The following PDE4D variants were observed in gnomAD, a reference collection of about 807,000 sequenced individuals.
The protein encoded by PDE4D is 3',5'-cyclic-AMP phosphodiesterase 4D.
Under a neutral mutation model 87.4 loss-of-function variants are expected in PDE4D, and 24 were observed. The ratio of observed to expected loss-of-function variants is 0.27; its 90% CI spans 0.20 to 0.39. The LOEUF (loss-of-function observed/expected upper bound fraction) is 0.39, where lower values mean the gene tolerates loss of function less well. Among genes scored for constraint, PDE4D ranks in the 10% least tolerant of loss-of-function variants. PDE4D has a pLI of 1.00. For missense variants in PDE4D, 714 were observed against 1,041.0 expected (o/e 0.69, Z 4.32); for synonymous variants, 384 against 383.2 (o/e 1.00, Z -0.02).
chr5:59,810,757 T>G (rs1359685057), intron 1 of PDE4D, among the ~76,000 whole-genome samples: 1 of 152,244 alleles, frequency 6.6e-6, no homozygotes, highest in African/African-American at 2.4e-5. Context: ...CCGGCTTATT[T>G]AAAGAATAAA....
intron 12 of PDE4D, among the ~76,000 whole-genome samples, 169 bp downstream of exon 12, chr5:58,977,022 C>CTT (rs1205115174): frequency 6.6e-6 from 1 of 152,112 alleles, no homozygotes; most frequent in East Asian, 1.9e-4. Context: ...AAGTGAAAAA[C>CTT]CTATTACAGA....
intron 1 of PDE4D, among the ~76,000 whole-genome samples, chr5:60,508,957 T>G (rs911665305): frequency 1.3e-5 from 2 of 152,056 alleles, no homozygotes; most frequent in Non-Finnish European, 2.9e-5. Context: ...TGGAGTGCAG[T>G]GGCATGATCT....
chr5:59,356,697 T>C, intron 1 of PDE4D: 1 of 1,387,976 alleles, frequency 7.2e-7, no homozygotes, highest in Non-Finnish European at 9.7e-7. Flanking sequence ...AAAGGCTTAT[T>C]TGCAAGGGGC....
chr5:59,701,337 C>G (rs563577537), intron 1 of PDE4D, among the ~76,000 whole-genome samples: 1 of 152,120 alleles, frequency 6.6e-6, no homozygotes, highest in Non-Finnish European at 1.5e-5. Flanking sequence ...TGATAATCTA[C>G]GTAAATATTT....
At chr5:59,852,316 T>C (rs769041164) in intron 1 of PDE4D, among the ~76,000 whole-genome samples, 1 of 152,050 alleles carries the variant, frequency 6.6e-6, no homozygotes, top group Non-Finnish European at 1.5e-5. Flanking sequence ...AAAGGATACG[T>C]TGGGAATGAC....
chr5:60,513,526 A>G (rs1281137735), intron 1 of PDE4D, among the ~76,000 whole-genome samples: 3 of 152,166 alleles, frequency 2.0e-5, no homozygotes, highest in Non-Finnish European at 4.4e-5. Flanking sequence ...AATAAGTGGG[A>G]AAATAGTCAC....
At chr5:59,172,412 A>G (rs1271658654) in intron 5 of PDE4D, among the ~76,000 whole-genome samples, 1 of 144,150 alleles carries the variant, frequency 6.9e-6, no homozygotes, top group East Asian at 2.0e-4. Context: ...AAGAGGTTTC[A>G]GTCCAGGCTC....
chr5:59,577,823 T>C (rs1443814378), intron 1 of PDE4D, among the ~76,000 whole-genome samples: 1 of 152,170 alleles, frequency 6.6e-6, no homozygotes, highest in Non-Finnish European at 1.5e-5. Flanking sequence ...TAGAAAATTA[T>C]AAGGCTATTT....
intron 1 of PDE4D, among the ~76,000 whole-genome samples, chr5:59,673,121 T>C (rs533877688): frequency 9.8e-5 from 15 of 152,354 alleles, no homozygotes; most frequent in African/African-American, 3.6e-4. Flanking sequence ...GAAGTTTAAA[T>C]GGACACTCTA....
chr5:59,758,763 T>A (rs868094924), intron 1 of PDE4D, among the ~76,000 whole-genome samples: 3 of 152,320 alleles, frequency 2.0e-5, no homozygotes, highest in African/African-American at 4.8e-5. Context: ...TTCCTGTTTT[T>A]ACCCATGTAG....
intron 3 of PDE4D, among the ~76,000 whole-genome samples, chr5:59,936,576 G>A (rs762971202): frequency 2.2e-4 from 34 of 152,298 alleles, no homozygotes; most frequent in Admixed American, 7.8e-4. Context: ...TTCACATTGT[G>A]AGATAATAAC....
chr5:59,366,256 T>G (rs977845720), intron 1 of PDE4D, among the ~76,000 whole-genome samples: 1 of 152,040 alleles, frequency 6.6e-6, no homozygotes, highest in Non-Finnish European at 1.5e-5. Context: ...TAAGTCTCTA[T>G]GTTTTCTTCT....
intron 1 of PDE4D, among the ~76,000 whole-genome samples, chr5:59,640,762 C>T (rs1741440439): frequency 6.6e-6 from 1 of 152,174 alleles, no homozygotes; most frequent in Non-Finnish European, 1.5e-5. Context: ...CTTTTTGGAA[C>T]CTCATTCAAT....
intron 1 of PDE4D, among the ~76,000 whole-genome samples, chr5:60,486,460 G>A (rs904448840): frequency 4.6e-5 from 7 of 152,150 alleles, no homozygotes; most frequent in Admixed American, 4.6e-4. Flanking sequence ...ATACAGAAAA[G>A]GAGTCTACGT....
intron 1 of PDE4D, among the ~76,000 whole-genome samples, chr5:59,876,794 T>C (rs1748666865): frequency 1.3e-5 from 2 of 152,306 alleles, no homozygotes; most frequent in South Asian, 2.1e-4. Flanking sequence ...TAAATGGCTA[T>C]CTCAGTAATA....
Position 59,397,265 on chromosome 5 carries a change from A to T in PDE4D, c.456-181297T>A, listed in dbSNP as rs1341029428. 1.5e-3 allele frequency among the ~76,000 whole-genome samples: 183 copies of T among 122,594 alleles called. 14 individuals are homozygous for T. Among genetic ancestry groups the T allele is most frequent in the African/African-American group, 5.5e-3 (171 of 30,816 alleles). The allele number at this position is 122,594 out of a possible 152,430, so 80.4% of individuals were successfully genotyped here. A position where few individuals can be genotyped will look rare whatever the true frequency, so the allele number is the denominator to read the frequency against. ...TCTACAGAACTCTCCACTCCAAATC[A>T]ACAGAATATACATTTTTTTCAGCAC... On this transcript the variant is annotated intron_variant, in intron 1 of 14. Coordinates refer to ENST00000340635, the MANE Select transcript of PDE4D (RefSeq NM_001104631.2).
At chr5:59,169,058 A>G (rs1485249296) in intron 5 of PDE4D, among the ~76,000 whole-genome samples, 7 of 151,498 alleles carry the variant, frequency 4.6e-5, no homozygotes, top group Non-Finnish European at 1.0e-4. Flanking sequence ...TTTTTAAAGC[A>G]TTTTTTGAGA....
At chr5:60,348,744 G>T (rs926383675) in intron 1 of PDE4D, among the ~76,000 whole-genome samples, 1 of 151,834 alleles carries the variant, frequency 6.6e-6, no homozygotes, top group African/African-American at 2.4e-5. Context: ...TTTTATAACT[G>T]AACATATATT....
chr5:59,771,564 A>T (rs186241886), intron 1 of PDE4D, among the ~76,000 whole-genome samples: 3 of 152,208 alleles, frequency 2.0e-5, no homozygotes, highest in African/African-American at 7.2e-5. Context: ...AGAAAGAATG[A>T]TATGGGCAAT....
Sources: gnomAD v4.1 joint callset for allele counts (sites outside exome capture counted in the v4.1 genomes callset) on GRCh38, gnomAD v4.1.1 for gene constraint, MANE v1.5 for transcripts, NCBI Gene and HGNC (gene_info 2026-07-23, HGNC 2026-07-21) for gene names.